The following TAFA1 variants were observed in gnomAD, a reference collection of about 807,000 sequenced individuals.
The protein encoded by TAFA1 is TAFA chemokine like family member 1.
In TAFA1, 4 loss-of-function variants were observed where a neutral mutation model predicts 18.5. The observed-to-expected ratio is 0.22, with a 90% CI of 0.11 to 0.49. TAFA1 has a LOEUF of 0.49. TAFA1 is among the 20% of genes least tolerant of loss of function. The pLI is 0.98. For synonymous variants in TAFA1, 56 were observed against 55.2 expected (o/e 1.01, Z -0.06); for missense variants, 147 against 169.0 (o/e 0.87, Z 0.72).
At chr3:68,083,412 C>T (rs184996768) in intron 2 of TAFA1, among the ~76,000 whole-genome samples, 44 of 152,244 alleles carry the variant, frequency 2.9e-4, no homozygotes, top group Admixed American at 1.2e-3. Context: ...ATTAAAAGGA[C>T]GAGGGAAGAA....
At chr3:68,468,856 G>A (rs747795580) in intron 3 of TAFA1, among the ~76,000 whole-genome samples, 4 of 152,142 alleles carry the variant, frequency 2.6e-5, no homozygotes, top group Admixed American at 1.3e-4. Flanking sequence ...TAAGAAAGAC[G>A]TATGTTTGCT....
chr3:68,439,284 G>A (rs894222383), intron 3 of TAFA1, among the ~76,000 whole-genome samples: 9 of 150,974 alleles, frequency 6.0e-5, no homozygotes, highest in South Asian at 2.1e-4. Context: ...ACCATGAAAC[G>A]TCTATATTTT....
At chr3:68,245,306 C>A (rs114460174) in intron 2 of TAFA1, among the ~76,000 whole-genome samples, 5 of 152,174 alleles carry the variant, frequency 3.3e-5, no homozygotes, top group Non-Finnish European at 5.9e-5. Context: ...AACAGAACTT[C>A]TTCCAAAGCT....
intron 2 of TAFA1, among the ~76,000 whole-genome samples, chr3:68,087,656 A>G (rs963598759): frequency 1.3e-5 from 2 of 149,050 alleles, no homozygotes; most frequent in African/African-American, 5.0e-5. Context: ...CCCTTTGTCC[A>G]TATATCCATC....
In TAFA1 at chr3:68,296,574, C is replaced by CA. The variant is rs5849817; in HGVS notation, c.119-120694dup. ...TTAGGGGCTCAAAAAGATACTTACTCAAAAAAAAAAAAGATAATATCTCCT... is the reference window on the plus strand; with the variant it reads ...TTAGGGGCTCAAAAAGATACTTACTCAAAAAAAAAAAAAGATAATATCTCCT... On this transcript the variant is annotated intron_variant, in intron 2 of 4. Transcript: ENST00000478136. Among the ~76,000 whole-genome samples, 341 of 149,548 alleles carry CA rather than the reference C, an allele frequency of 2.3e-3. 1 individual carries two copies. The highest frequency in any genetic ancestry group is 0.01 in the Middle Eastern group (3 of 288).
At chr3:68,364,155 T>G (rs1200005712) in intron 2 of TAFA1, among the ~76,000 whole-genome samples, 1 of 152,202 alleles carries the variant, frequency 6.6e-6, no homozygotes, top group African/African-American at 2.4e-5. Flanking sequence ...GAAGGCCTTG[T>G]TGCTATCTCC....
intron 2 of TAFA1, among the ~76,000 whole-genome samples, chr3:68,172,965 CTG>C (rs1203781363): frequency 1.3e-5 from 2 of 151,966 alleles, no homozygotes; most frequent in African/African-American, 4.8e-5. Flanking sequence ...TTGCACAACT[CTG>C]TGAATACACT....
chr3:68,523,589 A>G (rs2073060546), intron 3 of TAFA1, among the ~76,000 whole-genome samples: 1 of 152,194 alleles, frequency 6.6e-6, no homozygotes, highest in South Asian at 2.1e-4. Flanking sequence ...ACTCATAAAT[A>G]TAGTATCTGA....
chr3:68,492,555 A>G lies in TAFA1; in HGVS notation c.260-46201A>G, dbSNP rs1423280115. Among the ~76,000 whole-genome samples the G allele has an allele frequency of 2.6e-5, 4 of 152,178 alleles. No individual in the cohort carries two copies. In the South Asian group the frequency reaches 6.2e-4, roughly 24 times the overall value. On this transcript the variant is annotated intron_variant, in intron 3 of 4. Coordinates refer to ENST00000478136, the MANE Select transcript of TAFA1 (RefSeq NM_213609.4). ...TGAATCAGAAAGGAGTGCTTGCCCA[A>G]CTTCTCTGTTGTTTTATTGTAGTCT...
At chr3:68,192,243 A>G (rs1037842492) in intron 2 of TAFA1, among the ~76,000 whole-genome samples, 3 of 151,826 alleles carry the variant, frequency 2.0e-5, no homozygotes, top group African/African-American at 7.2e-5. Flanking sequence ...AGTGATTAAA[A>G]TTATGATAAA....
At chr3:68,124,473 G>A (rs2065440815) in intron 2 of TAFA1, among the ~76,000 whole-genome samples, 1 of 152,168 alleles carries the variant, frequency 6.6e-6, no homozygotes, top group South Asian at 2.1e-4. Context: ...GCATTTGTGA[G>A]GGAAGCCTAC....
At chr3:68,430,711 C>T (rs1453192206) in intron 3 of TAFA1, among the ~76,000 whole-genome samples, 1 of 151,930 alleles carries the variant, frequency 6.6e-6, no homozygotes, top group Non-Finnish European at 1.5e-5. Context: ...CTACCAGCCT[C>T]CACACATGTT....
intron 3 of TAFA1, among the ~76,000 whole-genome samples, chr3:68,446,869 G>T (rs1259032402): frequency 1.3e-5 from 2 of 152,178 alleles, no homozygotes; most frequent in Non-Finnish European, 2.9e-5. Context: ...GTCATCTTCA[G>T]TGGAGTGGAG....
chr3:68,100,437 G>A (rs916505828), intron 2 of TAFA1, among the ~76,000 whole-genome samples: 3 of 152,106 alleles, frequency 2.0e-5, no homozygotes, highest in Admixed American at 6.6e-5. Context: ...TGGGCCAAGA[G>A]CACTCCAGCC....
At chr3:68,013,316 T>C in intron 2 of TAFA1, among the ~76,000 whole-genome samples, 1 of 152,110 alleles carries the variant, frequency 6.6e-6, no homozygotes, top group African/African-American at 2.4e-5. Context: ...ATTTCTCAAA[T>C]GGAGAGTGTC....
chr3:68,392,325 T>A (rs2070277610), intron 2 of TAFA1, among the ~76,000 whole-genome samples: 1 of 151,890 alleles, frequency 6.6e-6, no homozygotes, highest in African/African-American at 2.4e-5. Context: ...CCTAAATAAA[T>A]ACGCATCCAA....
chr3:68,513,320 T>C (rs2072877230), intron 3 of TAFA1, among the ~76,000 whole-genome samples: 1 of 152,152 alleles, frequency 6.6e-6, no homozygotes, highest in Non-Finnish European at 1.5e-5. Flanking sequence ...CACTGTCCAA[T>C]AGTACTTTCT....
chr3:68,461,459 T>C (rs1388077838), intron 3 of TAFA1, among the ~76,000 whole-genome samples: 1 of 150,380 alleles, frequency 6.6e-6, no homozygotes, highest in Non-Finnish European at 1.5e-5. Context: ...ATTTTTCCCC[T>C]ACCAGCATCC....
intron 2 of TAFA1, among the ~76,000 whole-genome samples, chr3:68,136,266 A>G (rs972946270): frequency 3.3e-5 from 5 of 152,150 alleles, no homozygotes; most frequent in African/African-American, 1.2e-4. Flanking sequence ...GAAAACAGAA[A>G]TGCTATATAG....
Sources: gnomAD v4.1 joint callset for allele counts (sites outside exome capture counted in the v4.1 genomes callset) on GRCh38, gnomAD v4.1.1 for gene constraint, MANE v1.5 for transcripts, NCBI Gene and HGNC (gene_info 2026-07-23, HGNC 2026-07-21) for gene names.